Variants in CCDC120 observed in about 807,000 individuals in gnomAD.
CCDC120 encodes the protein coiled-coil domain-containing protein 120.
A neutral mutation model predicts 37.6 loss-of-function variants in CCDC120; 16 were observed. The ratio of observed to expected loss-of-function variants is 0.43; its 90% CI spans 0.29 to 0.65. The LOEUF is 0.65. CCDC120 is among the 30% of genes least tolerant of loss of function. CCDC120 has a pLI of 0.18. For synonymous variants in CCDC120, 309 were observed against 275.4 expected, an observed-to-expected ratio of 1.12 and a Z score of -1.21; for missense variants, 650 against 657.4, an observed-to-expected ratio of 0.99 and a Z score of 0.12.
intron 9 of CCDC120, 61 bp from the exon 10 acceptor site, chrX:49,067,115 C>T: frequency 1.9e-6 from 2 of 1,055,585 alleles, no homozygotes; most frequent in Non-Finnish European, 2.6e-6. Flanking sequence ...AGGGAGGGCA[C>T]TGCACGCCTT....
Position 49,060,739 on chromosome X carries a change from G to A in CCDC120, c.-83-1220G>A, listed in dbSNP as rs782614678. 1.1e-3 allele frequency among the ~76,000 whole-genome samples: 123 copies of A among 111,730 alleles called. 1 individual carries two copies. Among genetic ancestry groups the A allele is most frequent in the Middle Eastern group, 4.6e-3 (1 of 218 alleles). On this transcript the variant is annotated intron_variant, in intron 1 of 10. Coordinates refer to ENST00000603986, the MANE Select transcript of CCDC120 (RefSeq NM_001163321.4). ...ACTGATCCCCACCCCTGCTGTTGAA[G>A]GCAGGGCACCACTGCTTCAAGAGAG...
rs1557081025 is a variant in CCDC120, at chrX:49,065,782, T to C, written c.998T>C (p.Phe333Ser). The change falls in exon 9 of 11, where the codon TTT (phenylalanine) becomes TCT (serine). Residue 333 changes from phenylalanine to serine, a missense_variant. This residue lies in a region of CCDC120 where 576 missense variants were observed against 565.3 expected (regional missense o/e 1.02). Coordinates refer to ENST00000603986, the MANE Select transcript of CCDC120 (RefSeq NM_001163321.4). ...TRSLPRSASS[F>S]EGRSVPATPV... is the part of the protein sequence containing the mutation. ...TCGCTGCCCAGGAGTGCCTCCAGTT[T>C]TGAGGGGCGAAGTGTGCCTGCCACC... The C allele has an allele frequency of 8.5e-7, 1 of 1,171,744 alleles. No individual in the cohort carries two copies. The highest frequency in any genetic ancestry group is 2.5e-5 in the Admixed American group (1 of 39,512).
At position 49,067,412 on chromosome X, in the gene CCDC120, A is replaced by G; in HGVS notation, c.1298A>G (p.Tyr433Cys). The G allele has an allele frequency of 4.2e-6, 5 of 1,192,183 alleles. No individual in the cohort carries two copies. Among genetic ancestry groups the G allele is most frequent in the Non-Finnish European group, 5.6e-6 (5 of 886,766 alleles). The change falls in exon 10 of 11, where the codon TAT (tyrosine) becomes TGT (cysteine). Residue 433 changes from tyrosine to cysteine, a missense_variant. This residue lies in a region of CCDC120 where 576 missense variants were observed against 565.3 expected (regional missense o/e 1.02). Transcript: ENST00000603986. ...PPVCKSSEVL[Y>C]ERPQPTPAFS... ...GTCTGCAAGAGCAGTGAGGTGCTGT[A>G]TGAGCGCCCCCAACCAACCCCTGCC...
chrX:49,068,515 C>T, intron 10 of CCDC120, 29 bp from the exon 11 acceptor site: 2 of 1,082,194 alleles, frequency 1.8e-6, no homozygotes, highest in South Asian at 2.5e-5. Flanking sequence ...CCCGCCCTGT[C>T]CTCCGGATTC....
At chrX:49,065,716 C>G in intron 8 of CCDC120, 31 bp from the exon 9 acceptor site, 5 of 1,180,129 alleles carry the variant, frequency 4.2e-6, no homozygotes, top group Non-Finnish European at 5.7e-6. Context: ...TGGGTACAGT[C>G]TCTAACCTAG....
intron 10 of CCDC120, 34 bp downstream of exon 10, chrX:49,068,124 C>G: frequency 6.1e-6 from 7 of 1,147,342 alleles, no homozygotes; most frequent in Non-Finnish European, 8.1e-6. Context: ...GGGTAGGGGT[C>G]TCGTAAGGCA....
rs782271112 is a variant in CCDC120, at chrX:49,067,332, T to C, written c.1218T>C (p.Gly406=). The C allele has an allele frequency of 1.7e-6, 2 of 1,205,265 alleles. No homozygotes were observed. Among genetic ancestry groups the C allele is most frequent in the East Asian group, 6.0e-5 (2 of 33,508 alleles). The change falls in exon 10 of 11, where the codon GGT becomes GGC. Residue 406 remains glycine (G), a synonymous_variant. Transcript: ENST00000603986. ...SEALLVDRAA[G]GGAGSPPAPL... is the part of the protein sequence containing the mutation. ...CCCTGCTGGTGGACCGGGCCGCTGGTGGGGGAGCTGGCTCCCCGCCTGCCC... is the reference window on the plus strand; with the variant it reads ...CCCTGCTGGTGGACCGGGCCGCTGGCGGGGGAGCTGGCTCCCCGCCTGCCC...
chrX:49,056,012 A>G (rs1428092115), upstream of CCDC120, among the ~76,000 whole-genome samples: 1 of 112,123 alleles, frequency 8.9e-6, no homozygotes, highest in Non-Finnish European at 1.9e-5. Flanking sequence ...TCCAGGGACA[A>G]GAGTTGGGAT....
intron 1 of CCDC120, among the ~76,000 whole-genome samples, chrX:49,061,723 G>A (rs1190367891): frequency 4.5e-5 from 5 of 112,324 alleles, no homozygotes; most frequent in Non-Finnish European, 9.4e-5. Flanking sequence ...CGGTTCTCAT[G>A]AGCGAGAGTG....
chrX:49,063,872 C>T lies in CCDC120; in HGVS notation c.300C>T (p.Gly100=). ...KVCLQEAELT[G]QLPPECPLEP... is the part of the protein sequence containing the mutation. ...CTGCCTCCCACCAGGAGCTGACTGG[C>T]CAGCTGCCCCCTGAGTGCCCACTAG... The change falls in exon 5 of 11, where the codon GGC becomes GGT. Residue 100 remains glycine, a synonymous_variant. Coordinates refer to ENST00000603986, the MANE Select transcript of CCDC120 (RefSeq NM_001163321.4). The T allele has an allele frequency of 1.7e-6, 2 of 1,205,402 alleles. No homozygotes were observed. Among genetic ancestry groups the T allele is most frequent in the African/African-American group, 3.5e-5 (2 of 57,561 alleles).
chrX:49,062,046 G>A lies in CCDC120; in HGVS notation c.5G>A (p.Arg2Gln), dbSNP rs1166396135. 4.3e-6 allele frequency: 5 copies of A among 1,154,807 alleles called. No individual in the cohort carries two copies. Among genetic ancestry groups the A allele is most frequent in the East Asian group, 3.3e-5 (1 of 30,703 alleles). Residue 2 changes from arginine (R) to glutamine (Q), a missense_variant, in exon 2 of 11, where the codon CGA becomes CAA. Transcript: ENST00000603986. The stretch of plus-strand genomic sequence containing the variant: ...CACTTGCTGTGCTCTCACTCAATGC[G>A]AAGGGAACCAAGGTACCAGGGCCAA... The part of the protein sequence containing the change: M[R>Q]REPRYQGQVG...
At position 49,064,366 on chromosome X, in the gene CCDC120, A is replaced by G. The variant is rs1557080346; in HGVS notation, c.430-4A>G. 4.3e-6 allele frequency: 5 copies of G among 1,160,765 alleles called. No homozygotes were observed. The highest frequency in any genetic ancestry group is 5.7e-6 in the Non-Finnish European group (5 of 869,773). ...CATTTCCAACATTTGGGTGGGCCCA[A>G]CAGGAGCTGGCTCTTGAGGCCCTGG... On this transcript the variant is annotated splice_region_variant and splice_polypyrimidine_tract_variant and intron_variant, in intron 5 of 10. Transcript: ENST00000603986.
In CCDC120 at chrX:49,065,111, A is replaced by G. The variant is rs1557080766; in HGVS notation, c.787+13A>G. The G allele has an allele frequency of 2.5e-6, 3 of 1,203,628 alleles. No homozygotes were observed. The highest frequency in any genetic ancestry group is 4.4e-5 in the Admixed American group (2 of 45,650). ...AGCCATGACAACGGTGAGGACTCCT[A>G]TCCCCCAAACCTGCCCCCGACTCCT... On this transcript the variant is annotated intron_variant, in intron 7 of 10. Transcript: ENST00000603986.
upstream of CCDC120, among the ~76,000 whole-genome samples, chrX:49,057,721 C>G (rs1404523935): frequency 8.9e-6 from 1 of 112,428 alleles, no homozygotes; most frequent in Non-Finnish European, 1.9e-5. Flanking sequence ...TTTCTCACTT[C>G]AGGTCATGGT....
upstream of CCDC120, among the ~76,000 whole-genome samples, chrX:49,055,405 G>T (rs972131808): frequency 8.9e-6 from 1 of 111,976 alleles, no homozygotes; most frequent in Non-Finnish European, 1.9e-5. Flanking sequence ...GACTGAAAAA[G>T]AAGAAGTCTA....
intron 2 of CCDC120, 46 bp downstream of exon 2, chrX:49,062,150 G>T (rs145941508): frequency 2.6e-6 from 3 of 1,164,125 alleles, no homozygotes; most frequent in Non-Finnish European, 3.4e-6. Context: ...CTTATTCCCC[G>T]CTGTGGCATG....
In CCDC120 at chrX:49,060,427, CAAAAAAAAAA is replaced by C. The variant is rs58827125; in HGVS notation, c.-84+1351_-84+1360del. The stretch of plus-strand genomic sequence containing the variant: ...AAGTGACAGAGCCAGGCCCTATCTC[CAAAAAAAAAA>C]AAAAAAAAAAAAAAAAAAGAATCGA... On this transcript the variant is annotated intron_variant, in intron 1 of 10. Coordinates refer to ENST00000603986, the MANE Select transcript of CCDC120 (RefSeq NM_001163321.4). 5.0e-3 allele frequency among the ~76,000 whole-genome samples: 211 copies of C among 42,125 alleles called. 10 individuals carry two copies. The highest frequency in any genetic ancestry group is 0.038 in the Admixed American group (94 of 2,461). The allele number at this position is 42,125 out of a possible 115,157, so 36.6% of individuals were successfully genotyped here.
chrX:49,065,744 T>C lies in CCDC120; in HGVS notation c.963-3T>C. ...TAACCTAGGCCTGCCTGTCTCTGTC[T>C]AGCCCCACACGCTCGCTGCCCAGGA... On this transcript the variant is annotated splice_polypyrimidine_tract_variant and splice_region_variant and intron_variant, in intron 8 of 10. Coordinates refer to ENST00000603986, the MANE Select transcript of CCDC120 (RefSeq NM_001163321.4). 8.5e-7 allele frequency: 1 copy of C among 1,176,450 alleles called. No homozygotes were observed. The highest frequency in any genetic ancestry group is 3.2e-5 in the East Asian group (1 of 31,465).
At position 49,064,615 on chromosome X, in the gene CCDC120, C is replaced by G; in HGVS notation, c.675C>G (p.Ile225Met). 1 of 1,195,805 alleles carries G rather than the reference C, an allele frequency of 8.4e-7. No homozygotes were observed. The change falls in exon 6 of 11, where the codon ATC becomes ATG. Residue 225 changes from isoleucine to methionine, a missense_variant. Physicochemically the swap from Ile to Met is conservative, Grantham distance 10 (BLOSUM62 1). Transcript: ENST00000603986. The part of the protein sequence containing the change: ...QPLPLSTGSV[I>M]TTQGVCLGMR... The stretch of plus-strand genomic sequence containing the variant: ...TGCCACTGTCCACGGGGTCAGTGAT[C>G]ACCACCCAGGGAGTCTGCCTGGGCA...
Sources: allele counts gnomAD v4.1 joint callset (sites outside exome capture counted in the v4.1 genomes callset), GRCh38; gene constraint gnomAD v4.1.1; regional missense constraint gnomAD v4.1.1; transcripts MANE v1.5; gene names NCBI Gene and HGNC (gene_info 2026-07-23, HGNC 2026-07-21).